ZNF280D: variants seen among roughly 807,000 people sequenced by gnomAD.
The protein encoded by ZNF280D is zinc finger protein 280D.
A neutral mutation model predicts 94.7 loss-of-function variants in ZNF280D; 39 were observed. The ratio of observed to expected loss-of-function variants is 0.41; its 90% CI spans 0.32 to 0.54. The LOEUF (loss-of-function observed/expected upper bound fraction) is 0.54. Ranked by LOEUF, ZNF280D falls within the 20% of genes least tolerant of loss-of-function variation. The probability of loss-of-function intolerance (pLI) is 0.22; values close to 1 mark genes in which losing one functional copy is unlikely to be tolerated. For missense variants in ZNF280D, 1,090 were observed against 1,149.3 expected, an observed-to-expected ratio of 0.95 and a Z score of 0.75; for synonymous variants, 398 against 377.6, an observed-to-expected ratio of 1.05 and a Z score of -0.63.
intron 13 of ZNF280D, among the ~76,000 whole-genome samples, chr15:56,675,792 T>C (rs1199549588): frequency 1.3e-5 from 2 of 152,154 alleles, no homozygotes; most frequent in East Asian, 3.9e-4. Context: ...TAAATTGGCA[T>C]GTCAATTTAA....
intron 19 of ZNF280D, chr15:56,653,271 A>G: frequency 1.7e-6 from 2 of 1,186,962 alleles, no homozygotes; most frequent in Non-Finnish European, 1.0e-6. Context: ...TGGATGCTGA[A>G]GCAGTGGTTT....
intron 1 of ZNF280D, chr15:56,733,083 G>C (rs561345627): frequency 6.6e-6 from 1 of 151,800 alleles, no homozygotes; most frequent in Non-Finnish European, 1.5e-5. Context: ...CCAAACATCG[G>C]CACAAAATGT....
intron 21 of ZNF280D, among the ~76,000 whole-genome samples, chr15:56,634,429 A>T (rs1421165363): frequency 6.6e-6 from 1 of 152,152 alleles, no homozygotes; most frequent in Non-Finnish European, 1.5e-5. Flanking sequence ...TTTTTTGTTA[A>T]CATTCCCCCA....
At chr15:56,634,276 CA>C (rs1482863260) in intron 21 of ZNF280D, 1 of 83,926 alleles carries the variant, frequency 1.2e-5, no homozygotes, top group Non-Finnish European at 2.3e-5. Context: ...TGGTCAATTA[CA>C]TATGGAAAAA....
chr15:56,694,305 A>G (rs2056607583), intron 6 of ZNF280D, among the ~76,000 whole-genome samples: 1 of 97,188 alleles, frequency 1.0e-5, no homozygotes, highest in South Asian at 3.7e-4. Flanking sequence ...ACACACACAC[A>G]CACACACACA....
Position 56,682,249 on chromosome 15 carries a change from C to A in ZNF280D, c.1004+5G>T. ...CAATAGAAATAAAAACAAGTATTTA[C>A]ATACCTAATGTTATTTTTTAGAATT... is the stretch of plus-strand genomic sequence containing the variant. On this transcript the variant is annotated splice_donor_5th_base_variant and intron_variant, in intron 10 of 21. Transcript: ENST00000267807. 1 of 1,523,266 alleles carries A rather than the reference C, an allele frequency of 6.6e-7. No homozygotes were observed. Among genetic ancestry groups the A allele is most frequent in the Non-Finnish European group, 8.8e-7 (1 of 1,131,492 alleles). 94.4% of individuals were successfully genotyped at this position (1,523,266 alleles called of 1,614,324 possible).
intron 1 of ZNF280D, among the ~76,000 whole-genome samples, chr15:56,716,518 A>AG (rs2141350522): frequency 6.6e-6 from 1 of 152,042 alleles, no homozygotes; most frequent in South Asian, 2.1e-4. Flanking sequence ...AAAAAAAAAA[A>AG]AAAAGCAAGG....
rs757186388 is a variant in ZNF280D, at chr15:56,666,789, A to G, written c.1743T>C (p.Asn581=). ...NASKPNTSKP[N]GSKSKYKPKI... is the part of the protein sequence containing the mutation. ...TTGGTTTGTATTTAGATTTACTTCC[A>G]TTAGGCTTACTTGTATTAGGTTTAC... Residue 581 remains asparagine, a synonymous_variant, in exon 15 of 22, where the codon AAT becomes AAC. Transcript: ENST00000267807. 1 of 1,613,736 alleles carries G rather than the reference A, an allele frequency of 6.2e-7. No individual in the cohort carries two copies. Among genetic ancestry groups the G allele is most frequent in the Admixed American group, 1.7e-5 (1 of 59,982 alleles).
rs61739871 is a variant in ZNF280D at position 56,632,059 on chromosome 15, G to C, written c.2379C>G (p.Gly793=). 5.3e-3 allele frequency: 8,460 copies of C among 1,606,952 alleles called. 382 individuals are homozygous for C. In the African/African-American group the frequency reaches 0.099, roughly 19 times the overall value. The change falls in exon 22 of 22, where the codon GGC becomes GGG. Residue 793 remains glycine (G), a synonymous_variant. Transcript: ENST00000267807. ...TTTCTTCACTTTTTGTTGTTGATGA[G>C]CCTTCAAATGAATTTGCATTACATC... ...KNGCNANSFE[G]SSTTKSEESI...
chr15:56,688,205 C>T (rs1464036334), intron 9 of ZNF280D, among the ~76,000 whole-genome samples: 1 of 151,988 alleles, frequency 6.6e-6, no homozygotes, highest in Admixed American at 6.6e-5. Context: ...AATTCAGGGG[C>T]TTCTTGTACC....
chr15:56,714,626 AAGAT>A (rs2057940523), intron 1 of ZNF280D, among the ~76,000 whole-genome samples: 1 of 152,126 alleles, frequency 6.6e-6, no homozygotes, highest in Non-Finnish European at 1.5e-5. Context: ...CAAGAATAAA[AAGAT>A]AGAGCAATGA....
intron 19 of ZNF280D, among the ~76,000 whole-genome samples, chr15:56,650,867 T>G (rs1378463802): frequency 1.3e-5 from 2 of 152,106 alleles, no homozygotes; most frequent in Non-Finnish European, 2.9e-5. Flanking sequence ...GAGTTTGACT[T>G]TGCCTGTTTC....
intron 13 of ZNF280D, among the ~76,000 whole-genome samples, chr15:56,670,262 A>T (rs1475158262): frequency 1.3e-5 from 2 of 150,202 alleles, no homozygotes; most frequent in Non-Finnish European, 3.0e-5. Context: ...ACACAGGTAA[A>T]CGTGTATCCC....
intron 16 of ZNF280D, among the ~76,000 whole-genome samples, chr15:56,659,904 GA>G (rs571524824): frequency 7.7e-4 from 110 of 143,120 alleles, no homozygotes; most frequent in Middle Eastern, 3.5e-3. Context: ...GGAAAAAAAG[GA>G]AAAAAAAAAT....
At chr15:56,652,734 A>C in intron 19 of ZNF280D, 1 of 985,056 alleles carries the variant, frequency 1.0e-6, no homozygotes, top group Non-Finnish European at 1.2e-6. Context: ...TAAGGTCTGC[A>C]AGTAGTATTG....
At chr15:56,718,277 CAA>C (rs1567035178) in intron 1 of ZNF280D, among the ~76,000 whole-genome samples, 2 of 151,844 alleles carry the variant, frequency 1.3e-5, no homozygotes, top group Admixed American at 6.6e-5. Flanking sequence ...ACACTGAGAA[CAA>C]AAGTCTTGAG....
chr15:56,694,071 G>A (rs531749065), intron 6 of ZNF280D, among the ~76,000 whole-genome samples: 201 of 152,206 alleles, frequency 1.3e-3, no homozygotes, highest in Non-Finnish European at 2.4e-3. Context: ...CTCAAAGGAA[G>A]TTTTAGCCCT....
chr15:56,731,077 C>T (rs1596731718), intron 1 of ZNF280D, among the ~76,000 whole-genome samples: 1 of 152,084 alleles, frequency 6.6e-6, no homozygotes, highest in Admixed American at 6.5e-5. Context: ...TATATTCAAG[C>T]CTTTAGACCC....
chr15:56,710,293 A>T (rs568918418), intron 1 of ZNF280D, among the ~76,000 whole-genome samples: 1 of 152,328 alleles, frequency 6.6e-6, no homozygotes, highest in South Asian at 2.1e-4. Context: ...AGTCCCAGCT[A>T]CTTGGGAAGC....
Sources: allele counts gnomAD v4.1 joint callset (sites outside exome capture counted in the v4.1 genomes callset), GRCh38; gene constraint gnomAD v4.1.1; transcripts MANE v1.5; gene names NCBI Gene and HGNC (gene_info 2026-07-23, HGNC 2026-07-21).